PLEKHH2: variants seen among roughly 807,000 people sequenced by gnomAD.
The protein encoded by PLEKHH2 is pleckstrin homology domain-containing family H member 2.
A neutral mutation model predicts 187.9 loss-of-function variants in PLEKHH2; 129 were observed. That is an observed-to-expected ratio of 0.69 (90% CI 0.59 to 0.79). PLEKHH2 has a LOEUF of 0.79. PLEKHH2 is among the 30% of genes least tolerant of loss of function. The pLI is 0.00. For missense variants in PLEKHH2, 2,076 were observed against 1,751.2 expected (o/e 1.19, Z -3.31); for synonymous variants, 686 against 605.6 (o/e 1.13, Z -1.95).
chr2:43,704,250 G>T lies in PLEKHH2; in HGVS notation c.1726+194G>T, dbSNP rs13394239. On this transcript the variant is annotated intron_variant, in intron 9 of 29. Coordinates refer to ENST00000282406, the MANE Select transcript of PLEKHH2 (RefSeq NM_172069.4). ...TTACCAGGGTCAGGGTGTGCGTGGA[G>T]AAGCGAATTTATTGTTTACTGGGTA... Among the ~76,000 whole-genome samples, 1,232 of 152,242 alleles carry T rather than the reference G, an allele frequency of 8.1e-3. 16 individuals are homozygous for T. Among genetic ancestry groups the T allele is most frequent in the African/African-American group, 0.029 (1,188 of 41,528 alleles).
Position 43,767,985 on chromosome 2 carries a change from C to A in PLEKHH2, c.*2387C>A, listed in dbSNP as rs1558646472. On this transcript the variant is annotated 3_prime_UTR_variant, in exon 30 of 30. Transcript: ENST00000282406. ...AGTCATAATAAATGATTTACAAAACCCATTTTGAGCATTATCTTTTGAATA... is the reference window on the plus strand; with the variant it reads ...AGTCATAATAAATGATTTACAAAACACATTTTGAGCATTATCTTTTGAATA... 6.6e-6 allele frequency: 1 copy of A among 152,482 alleles called. No individual in the cohort carries two copies. The highest frequency in any genetic ancestry group is 2.4e-5 in the African/African-American group (1 of 41,364). 9.4% of individuals were successfully genotyped at this position (152,482 alleles called of 1,614,324 possible).
intron 7 of PLEKHH2, 51 bp from the exon 8 acceptor site, chr2:43,699,596 A>G (rs745494167): frequency 6.4e-6 from 10 of 1,555,472 alleles, no homozygotes; most frequent in Middle Eastern, 1.7e-4. Context: ...AAATGTACAG[A>G]AAGATTATAT....
intron 10 of PLEKHH2, among the ~76,000 whole-genome samples, chr2:43,707,154 T>G (rs913598968): frequency 7.0e-6 from 1 of 142,256 alleles, no homozygotes; most frequent in Admixed American, 7.4e-5. Context: ...CGAGATCATG[T>G]CATTGCACTC....
chr2:43,694,423 T>A lies in PLEKHH2; in HGVS notation c.337-8T>A. On this transcript the variant is annotated splice_polypyrimidine_tract_variant and splice_region_variant and intron_variant, in intron 4 of 29. Coordinates refer to ENST00000282406, the MANE Select transcript of PLEKHH2 (RefSeq NM_172069.4). The stretch of plus-strand genomic sequence containing the variant: ...TTTGAACTAAACAAATTGCTATTGT[T>A]ATTTCAGAAACAAATAAGAATACAA... 6.5e-7 allele frequency: 1 copy of A among 1,548,876 alleles called. No homozygotes were observed. The highest frequency in any genetic ancestry group is 8.8e-7 in the Non-Finnish European group (1 of 1,142,528).
chr2:43,688,024 C>A (rs1668612377), intron 3 of PLEKHH2, among the ~76,000 whole-genome samples: 1 of 152,276 alleles, frequency 6.6e-6, no homozygotes, highest in South Asian at 2.1e-4. Context: ...TGGCCTCAAA[C>A]TCCTGGGCTC....
At chr2:43,686,925 C>T (rs189138761) in intron 3 of PLEKHH2, among the ~76,000 whole-genome samples, 6 of 152,076 alleles carry the variant, frequency 3.9e-5, no homozygotes, top group African/African-American at 1.4e-4. Context: ...TCCGTGTGTC[C>T]CTCTCCTTAT....
At chr2:43,724,533 C>G (rs997623676) in intron 16 of PLEKHH2, among the ~76,000 whole-genome samples, 8 of 152,054 alleles carry the variant, frequency 5.3e-5, no homozygotes, top group Non-Finnish European at 8.8e-5. Flanking sequence ...TCAATAAAAG[C>G]TTAGATAAAA....
intron 22 of PLEKHH2, among the ~76,000 whole-genome samples, chr2:43,743,398 T>C (rs532899730): frequency 9.2e-5 from 14 of 152,328 alleles, no homozygotes; most frequent in African/African-American, 3.1e-4. Context: ...GCCATATGCC[T>C]TTTATCACAG....
intron 4 of PLEKHH2, 147 bp from the exon 5 acceptor site, chr2:43,694,284 C>G (rs2104469637): frequency 1.1e-6 from 1 of 904,514 alleles, no homozygotes; most frequent in South Asian, 2.0e-5. Context: ...ATAATTTTTT[C>G]TTTTAAAAAC....
At chr2:43,671,965 T>C (rs1479411360) in intron 2 of PLEKHH2, among the ~76,000 whole-genome samples, 1 of 152,246 alleles carries the variant, frequency 6.6e-6, no homozygotes. Context: ...TTCTCTTATG[T>C]GCTGGAAGAG....
chr2:43,673,690 G>T (rs542458720), intron 2 of PLEKHH2, among the ~76,000 whole-genome samples: 1 of 152,170 alleles, frequency 6.6e-6, no homozygotes, highest in East Asian at 1.9e-4. Flanking sequence ...ATGCTTTTCT[G>T]TTTATAAATG....
At chr2:43,713,842 G>A (rs1396243111) in intron 15 of PLEKHH2, among the ~76,000 whole-genome samples, 2 of 152,008 alleles carry the variant, frequency 1.3e-5, no homozygotes, top group African/African-American at 4.8e-5. Flanking sequence ...ATGCTACTGT[G>A]TAGTTTATAC....
At chr2:43,683,491 G>A (rs1310908247) in intron 3 of PLEKHH2, among the ~76,000 whole-genome samples, 3 of 151,908 alleles carry the variant, frequency 2.0e-5, no homozygotes, top group Non-Finnish European at 4.4e-5. Context: ...ATCTAAACTA[G>A]ATTGATACAT....
At chr2:43,732,376 T>A (rs77941712) in intron 19 of PLEKHH2, among the ~76,000 whole-genome samples, 1 of 151,498 alleles carries the variant, frequency 6.6e-6, no homozygotes, top group Non-Finnish European at 1.5e-5. Flanking sequence ...AAAAAAAAAA[T>A]TATCAAAGAA....
At position 43,703,916 on chromosome 2, in the gene PLEKHH2, CTTT is replaced by C. The variant is rs10530805; in HGVS notation, c.1651-42_1651-40del. 1,794 of 386,388 alleles carry C rather than the reference CTTT, an allele frequency of 4.6e-3. 1 individual carries two copies. The highest frequency in any genetic ancestry group is 0.011 in the East Asian group (146 of 13,260). The allele number at this position is 386,388 out of a possible 1,614,324, so 23.9% of individuals were successfully genotyped here. A position where few individuals can be genotyped will look rare whatever the true frequency, so the allele number is the denominator to read the frequency against. ...GAAAAACATGTGTATTGAAAGTAGT[CTTT>C]TTTTTTTTTTTTTTTTTTTTTTGCT... On this transcript the variant is annotated intron_variant, in intron 8 of 29. Transcript: ENST00000282406.
intron 4 of PLEKHH2, among the ~76,000 whole-genome samples, chr2:43,692,924 A>G (rs549830187): frequency 1.3e-3 from 198 of 152,202 alleles, no homozygotes; most frequent in Non-Finnish European, 2.4e-3. Context: ...GAGTTTATTT[A>G]TTTATCTGAG....
chr2:43,730,721 G>A (rs1432448381), intron 18 of PLEKHH2, among the ~76,000 whole-genome samples: 2 of 152,068 alleles, frequency 1.3e-5, no homozygotes, highest in African/African-American at 4.8e-5. Context: ...TTATGGCTAA[G>A]GTTCCCCCAC....
chr2:43,649,881 C>T (rs1666379086), intron 2 of PLEKHH2, among the ~76,000 whole-genome samples: 1 of 152,084 alleles, frequency 6.6e-6, no homozygotes. Context: ...CTAAATTAAC[C>T]AATCCATTAA....
intron 7 of PLEKHH2, among the ~76,000 whole-genome samples, chr2:43,697,806 A>C (rs888763149): frequency 6.6e-6 from 1 of 152,180 alleles, no homozygotes; most frequent in African/African-American, 2.4e-5. Context: ...TTGGCATAGC[A>C]AACTTCTAAA....
Sources: gnomAD v4.1 joint callset for allele counts (sites outside exome capture counted in the v4.1 genomes callset) on GRCh38, gnomAD v4.1.1 for gene constraint, MANE v1.5 for transcripts, NCBI Gene and HGNC (gene_info 2026-07-23, HGNC 2026-07-21) for gene names.